NOTCH2NLC: variants seen among roughly 807,000 people sequenced by gnomAD.
NOTCH2NLC encodes the protein notch 2 N-terminal like C.
Under a neutral mutation model 17.7 loss-of-function variants are expected in NOTCH2NLC, and 4 were observed. That is an observed-to-expected ratio of 0.23 (90% CI 0.11 to 0.52). The LOEUF (loss-of-function observed/expected upper bound fraction) is 0.52. NOTCH2NLC is among the 20% of genes least tolerant of loss of function. The pLI, the probability that NOTCH2NLC is intolerant of heterozygous loss-of-function variation, is 0.96. For synonymous variants in NOTCH2NLC, 18 were observed against 86.0 expected (o/e 0.21, Z 4.38); for missense variants, 57 against 207.2 (o/e 0.28, Z 4.45).
chr1:149,400,139 A>ATTT (rs1176135315), intron 1 of NOTCH2NLC, among the ~76,000 whole-genome samples: 1,707 of 131,780 alleles, frequency 0.013, 47 homozygotes, highest in Non-Finnish European at 0.016. Flanking sequence ...TATAATATAT[A>ATTT]TTTTTTTTTT....
At position 149,392,948 on chromosome 1, in the gene NOTCH2NLC, G is replaced by C. The variant is rs1294244162; in HGVS notation, c.135+2026G>C. Among the ~76,000 whole-genome samples the C allele has an allele frequency of 1.1e-4, 17 of 149,080 alleles. 2 individuals carry two copies. In the East Asian group the frequency reaches 3.4e-3, roughly 30 times the overall value. On this transcript the variant is annotated intron_variant, in intron 1 of 4. Transcript: ENST00000650865. Reference sequence around the variant, plus strand: ...TAGCCGGGCGTAGTGGCGGGCGCCTGTAGTCCCAGCTACTTGGGAGGCTAA... The same window carrying C: ...TAGCCGGGCGTAGTGGCGGGCGCCTCTAGTCCCAGCTACTTGGGAGGCTAA...
At chr1:149,420,094 TCTC>T (rs1204442941) in intron 1 of NOTCH2NLC, among the ~76,000 whole-genome samples, 1 of 149,790 alleles carries the variant, frequency 6.7e-6, no homozygotes, top group African/African-American at 2.4e-5. Context: ...ATGGTGTCGA[TCTC>T]CTGACCTCGT....
intron 1 of NOTCH2NLC, among the ~76,000 whole-genome samples, chr1:149,394,559 G>A (rs1179703541): frequency 2.6e-5 from 4 of 151,324 alleles, no homozygotes; most frequent in South Asian, 2.1e-4. Flanking sequence ...CTGTTATCTC[G>A]TTTTCCTTAA....
intron 1 of NOTCH2NLC, among the ~76,000 whole-genome samples, chr1:149,417,121 T>C: frequency 7.6e-6 from 1 of 131,518 alleles, no homozygotes; most frequent in African/African-American, 2.8e-5. Context: ...TTTTTTTTTT[T>C]TTTTTTGAGA....
intron 1 of NOTCH2NLC, among the ~76,000 whole-genome samples, chr1:149,401,782 T>A: frequency 1.3e-5 from 1 of 79,146 alleles, no homozygotes; most frequent in East Asian, 3.2e-4. Flanking sequence ...TTCAAACCAG[T>A]AGCCTTCCCT....
At chr1:149,421,377 T>C (rs2084378207) in intron 1 of NOTCH2NLC, among the ~76,000 whole-genome samples, 2 of 148,976 alleles carry the variant, frequency 1.3e-5, no homozygotes, top group African/African-American at 4.9e-5. Context: ...CGGGCACCTA[T>C]AGTCCCAGCT....
chr1:149,450,211 T>C (rs1390876324), intron 2 of NOTCH2NLC, among the ~76,000 whole-genome samples: 1 of 147,112 alleles, frequency 6.8e-6, no homozygotes, highest in Non-Finnish European at 1.5e-5. Flanking sequence ...TGAAGACTGT[T>C]CTTTTGTTGA....
Position 149,457,590 on chromosome 1 carries a change from C to T in NOTCH2NLC, c.469+2013C>T, listed in dbSNP as rs1361851682. ...TGTTAAGTATTAATTCACATGATCA[C>T]GAGGTCCCACAATAGGCTGTCTGCA... On this transcript the variant is annotated intron_variant, in intron 3 of 4. Coordinates refer to ENST00000650865, the MANE Select transcript of NOTCH2NLC (RefSeq NM_001364013.2). Among the ~76,000 whole-genome samples, 46 of 149,958 alleles carry T rather than the reference C, an allele frequency of 3.1e-4. 1 individual carries two copies. The highest frequency in any genetic ancestry group is 2.7e-4 in the Non-Finnish European group (18 of 67,268).
At chr1:149,460,422 TCCACCTC>T (rs2084636167) in intron 3 of NOTCH2NLC, among the ~76,000 whole-genome samples, 8 of 140,710 alleles carry the variant, frequency 5.7e-5, no homozygotes, top group African/African-American at 2.1e-4. Flanking sequence ...CACTGCAAGC[TCCACCTC>T]CCGGGTTCAC....
rs1184842539 is a variant in NOTCH2NLC at position 149,466,277 on chromosome 1, G to GTATATATATATATATATATATA, written c.*2139_*2140insATATATATATATATATATATAT. The GTATATATATATATATATATATA allele has an allele frequency of 7.0e-5, 10 of 142,540 alleles. No individual in the cohort carries two copies. The highest frequency in any genetic ancestry group is 1.3e-4 in the African/African-American group (5 of 37,914). The allele number at this position is 142,540 out of a possible 1,614,324, so 8.8% of individuals were successfully genotyped here. A position where few individuals can be genotyped will look rare whatever the true frequency, so the allele number is the denominator to read the frequency against. Reference sequence around the variant, plus strand: ...GTGTGTGTGTGTGTGTGTGTGTGTGGTATATATATATATATCGCATTGTGC... The same window carrying GTATATATATATATATATATATA: ...GTGTGTGTGTGTGTGTGTGTGTGTGGTATATATATATATATATATATATATATATATATATATCGCATTGTGC... On this transcript the variant is annotated 3_prime_UTR_variant, in exon 5 of 5. Coordinates refer to ENST00000650865, the MANE Select transcript of NOTCH2NLC (RefSeq NM_001364013.2).
At chr1:149,417,321 G>A (rs1198091098) in intron 1 of NOTCH2NLC, among the ~76,000 whole-genome samples, 2 of 150,692 alleles carry the variant, frequency 1.3e-5, no homozygotes, top group African/African-American at 4.9e-5. Flanking sequence ...TGTTAGCCAG[G>A]ATGGTCTCGA....
intron 2 of NOTCH2NLC, among the ~76,000 whole-genome samples, chr1:149,440,952 G>T (rs1484860866): frequency 3.1e-4 from 46 of 149,780 alleles, no homozygotes; most frequent in African/African-American, 1.1e-3. Flanking sequence ...AGGACCTGGG[G>T]ACAGGAAGAG....
intron 1 of NOTCH2NLC, among the ~76,000 whole-genome samples, chr1:149,421,689 A>T (rs1249687850): frequency 2.3e-5 from 2 of 87,676 alleles, no homozygotes; most frequent in Non-Finnish European, 4.3e-5. Flanking sequence ...GCAGCACACA[A>T]ATATATAGCA....
At chr1:149,449,738 A>G (rs1342758227) in intron 2 of NOTCH2NLC, among the ~76,000 whole-genome samples, 30 of 151,490 alleles carry the variant, frequency 2.0e-4, no homozygotes, top group African/African-American at 6.0e-4. Context: ...ATCTAATTTC[A>G]AAACATTTTT....
Position 149,390,848 on chromosome 1 carries a change from G to A in NOTCH2NLC, c.61G>A (p.Glu21Lys). 1 of 1,378,570 alleles carries A rather than the reference G, an allele frequency of 7.3e-7. No individual in the cohort carries two copies. The highest frequency in any genetic ancestry group is 9.4e-7 in the Non-Finnish European group (1 of 1,069,182). The allele number at this position is 1,378,570 out of a possible 1,614,324, so 85.4% of individuals were successfully genotyped here. Residue 21 changes from glutamate (E) to lysine (K), a missense_variant, in exon 1 of 5, where the codon GAA becomes AAA. By Grantham distance (56) the Glu-to-Lys change is moderately conservative. This residue lies in a region of NOTCH2NLC where 25 missense variants were observed against 27.0 expected (regional missense o/e 0.93). Coordinates refer to ENST00000650865, the MANE Select transcript of NOTCH2NLC (RefSeq NM_001364013.2). ...GGGGGGGGDR[E>K]DARPAPLCCG... is the part of the protein sequence containing the mutation. ...CGGCGGCGGAGGAGGCGGCGACCGA[G>A]AAGATGCCCGCCCTGCGCCGCTCTG...
chr1:149,461,929 C>A (rs2084652178), intron 3 of NOTCH2NLC, among the ~76,000 whole-genome samples: 1 of 137,024 alleles, frequency 7.3e-6, no homozygotes. Flanking sequence ...GGGAATTGAA[C>A]AATGAGAACA....
chr1:149,447,790 T>C (rs1378786971), intron 2 of NOTCH2NLC, among the ~76,000 whole-genome samples: 12 of 150,102 alleles, frequency 8.0e-5, no homozygotes, highest in South Asian at 2.1e-4. Context: ...AAAAAGATTT[T>C]AATATGGGGG....
At chr1:149,428,902 GA>G (rs2084427589) in intron 1 of NOTCH2NLC, among the ~76,000 whole-genome samples, 1 of 149,012 alleles carries the variant, frequency 6.7e-6, no homozygotes, top group Non-Finnish European at 1.5e-5. Context: ...TTTATTTAAA[GA>G]AAAAAAGTAA....
chr1:149,408,529 G>C lies in NOTCH2NLC; in HGVS notation c.135+17607G>C, dbSNP rs1379120595. On this transcript the variant is annotated intron_variant, in intron 1 of 4. Transcript: ENST00000650865. ...AAAATGAGGAAATAGAAAATGTTTTGTTATGGTAGTTTTACACATACACCC... is the reference window on the plus strand; with the variant it reads ...AAAATGAGGAAATAGAAAATGTTTTCTTATGGTAGTTTTACACATACACCC... Among the ~76,000 whole-genome samples, 478 of 149,602 alleles carry C rather than the reference G, an allele frequency of 3.2e-3. 10 individuals carry two copies. Among genetic ancestry groups the C allele is most frequent in the African/African-American group, 0.011 (451 of 40,806 alleles).
Sources: allele counts gnomAD v4.1 joint callset (sites outside exome capture counted in the v4.1 genomes callset), GRCh38; gene constraint gnomAD v4.1.1; regional missense constraint gnomAD v4.1.1; transcripts MANE v1.5; gene names NCBI Gene and HGNC (gene_info 2026-07-23, HGNC 2026-07-21).